PDE4D: variants seen among roughly 807,000 people sequenced by gnomAD.
The protein encoded by PDE4D is 3',5'-cyclic-AMP phosphodiesterase 4D.
In PDE4D, 24 loss-of-function variants were observed where a neutral mutation model predicts 87.4. The observed-to-expected ratio is 0.27, with a 90% CI of 0.20 to 0.39. PDE4D has a LOEUF of 0.39. Among genes scored for constraint, PDE4D ranks in the 10% least tolerant of loss-of-function variants. The pLI, the probability that PDE4D is intolerant of heterozygous loss-of-function variation, is 1.00. For synonymous variants in PDE4D, 384 were observed against 383.2 expected (o/e 1.00, Z -0.02); for missense variants, 714 against 1,041.0 (o/e 0.69, Z 4.32).
chr5:59,677,627 GC>G (rs1748321685), intron 1 of PDE4D, among the ~76,000 whole-genome samples: 1 of 152,302 alleles, frequency 6.6e-6, no homozygotes, highest in African/African-American at 2.4e-5. Flanking sequence ...AGTTCTATAT[GC>G]CTGTAAAACT....
At chr5:59,909,566 G>A (rs1426790127) in intron 3 of PDE4D, among the ~76,000 whole-genome samples, 1 of 151,866 alleles carries the variant, frequency 6.6e-6, no homozygotes, top group Non-Finnish European at 1.5e-5. Flanking sequence ...GTATTTTTTT[G>A]TAGACATGGA....
chr5:59,366,586 A>G (rs1464180449), intron 1 of PDE4D, among the ~76,000 whole-genome samples: 1 of 152,208 alleles, frequency 6.6e-6, no homozygotes, highest in Admixed American at 6.5e-5. Flanking sequence ...GGAGCTTTCC[A>G]CAGTTACTGA....
At chr5:59,193,657 CCTTATA>C (rs1195179325) in intron 2 of PDE4D, 121 bp from the exon 3 acceptor site, 1 of 1,495,354 alleles carries the variant, frequency 6.7e-7, no homozygotes, top group Non-Finnish European at 8.9e-7. Context: ...GTGATTCCAT[CCTTATA>C]CTTCAGCACA....
At chr5:60,050,257 C>T (rs986910715) in intron 2 of PDE4D, among the ~76,000 whole-genome samples, 3 of 152,142 alleles carry the variant, frequency 2.0e-5, no homozygotes, top group Admixed American at 1.3e-4. Flanking sequence ...GACCTGCGCC[C>T]ACTGTCTGGC....
At chr5:59,627,979 T>C (rs1831096404) in intron 1 of PDE4D, among the ~76,000 whole-genome samples, 1 of 152,052 alleles carries the variant, frequency 6.6e-6, no homozygotes, top group South Asian at 2.1e-4. Flanking sequence ...TCTCAAAGAG[T>C]CATTCTTAAA....
At chr5:58,978,218 C>CAGTG (rs1744270117) in intron 11 of PDE4D, among the ~76,000 whole-genome samples, 3 of 108,592 alleles carry the variant, frequency 2.8e-5, no homozygotes, top group African/African-American at 6.6e-5. Context: ...AGTTCAAGAC[C>CAGTG]AGCCTGGTCA....
At chr5:59,185,122 T>A in intron 4 of PDE4D, 67 bp downstream of exon 4, 1 of 1,234,976 alleles carries the variant, frequency 8.1e-7, no homozygotes, top group Non-Finnish European at 1.2e-6. Context: ...TGCCTTGGGC[T>A]CAATCAAGTT....
intron 5 of PDE4D, chr5:59,039,835 A>G (rs930064293): frequency 6.6e-6 from 1 of 152,586 alleles, no homozygotes; most frequent in African/African-American, 2.4e-5. Context: ...CTGCTGTGGG[A>G]CTGTCTGTGC....
At chr5:59,923,305 C>T (rs947268293) in intron 3 of PDE4D, among the ~76,000 whole-genome samples, 4 of 152,216 alleles carry the variant, frequency 2.6e-5, no homozygotes, top group African/African-American at 9.6e-5. Context: ...GGGACAGATA[C>T]AAGCCTTGTT....
rs114760833 is a variant in PDE4D, at chr5:59,538,264, G to A, written c.456-322296C>T. On this transcript the variant is annotated intron_variant, in intron 1 of 14. Transcript: ENST00000340635. ...AAGTTTTTTGGCTTTAGCCTCTGCT[G>A]TGAAAAAGCATGAGAAGTATTTATG... is the stretch of plus-strand genomic sequence containing the variant. Among the ~76,000 whole-genome samples the A allele has an allele frequency of 2.9e-3, 442 of 152,318 alleles. 3 individuals carry two copies. Among genetic ancestry groups the A allele is most frequent in the African/African-American group, 0.01 (416 of 41,554 alleles).
chr5:60,460,014 C>G, intron 1 of PDE4D: 1 of 1,167,612 alleles, frequency 8.6e-7, no homozygotes, highest in Non-Finnish European at 1.3e-6. Flanking sequence ...TATCGGGAAC[C>G]AAGTAGTACT....
At chr5:59,589,639 T>G (rs538938533) in intron 1 of PDE4D, among the ~76,000 whole-genome samples, 2 of 152,238 alleles carry the variant, frequency 1.3e-5, no homozygotes, top group Admixed American at 6.5e-5. Flanking sequence ...TATTCTACTC[T>G]GTTCATATGT....
intron 6 of PDE4D, among the ~76,000 whole-genome samples, chr5:59,013,309 C>G (rs1460365092): frequency 7.0e-6 from 1 of 143,826 alleles, no homozygotes; most frequent in South Asian, 2.3e-4. Flanking sequence ...CAGAGCAGAA[C>G]TGAAGGAGAT....
At chr5:59,625,949 GT>G (rs1378003870) in intron 1 of PDE4D, among the ~76,000 whole-genome samples, 4 of 152,128 alleles carry the variant, frequency 2.6e-5, no homozygotes, top group Non-Finnish European at 5.9e-5. Context: ...TTGGCCAGGC[GT>G]GGTGGCGGGC....
At chr5:60,069,716 A>C (rs1393848466) in intron 2 of PDE4D, among the ~76,000 whole-genome samples, 5 of 152,028 alleles carry the variant, frequency 3.3e-5, no homozygotes, top group Admixed American at 1.3e-4. Context: ...ACTTTCTGTA[A>C]AAAATGACAT....
intron 1 of PDE4D, among the ~76,000 whole-genome samples, chr5:59,698,229 G>C (rs1452409407): frequency 2.0e-5 from 3 of 152,040 alleles, no homozygotes; most frequent in African/African-American, 7.2e-5. Context: ...ATTCTCTTTA[G>C]GGACAAGATA....
intron 5 of PDE4D, among the ~76,000 whole-genome samples, chr5:59,148,929 C>A (rs1054395955): frequency 6.6e-6 from 1 of 152,026 alleles, no homozygotes; most frequent in Non-Finnish European, 1.5e-5. Context: ...GAAAAGCTGA[C>A]GGACATTAGG....
chr5:59,217,860 G>C (rs1751594888), intron 1 of PDE4D: 1 of 303,782 alleles, frequency 3.3e-6, no homozygotes, highest in African/African-American at 2.3e-5. Context: ...GGGGAGGATG[G>C]TCTCTAATCA....
chr5:59,334,845 A>G (rs1777396347), intron 1 of PDE4D, among the ~76,000 whole-genome samples: 2 of 152,000 alleles, frequency 1.3e-5, no homozygotes, highest in African/African-American at 4.8e-5. Context: ...CATGGAAGAG[A>G]TCAACCTAAT....
Sources: gnomAD v4.1 joint callset for allele counts (sites outside exome capture counted in the v4.1 genomes callset) on GRCh38, gnomAD v4.1.1 for gene constraint, MANE v1.5 for transcripts, NCBI Gene and HGNC (gene_info 2026-07-23, HGNC 2026-07-21) for gene names.